Variants in PRKAR1B observed in about 807,000 individuals in gnomAD.
The protein encoded by PRKAR1B is cAMP-dependent protein kinase type I-beta regulatory subunit.
A neutral mutation model predicts 46.5 loss-of-function variants in PRKAR1B; 22 were observed. The ratio of observed to expected loss-of-function variants is 0.47; its 90% CI spans 0.34 to 0.68. PRKAR1B has a LOEUF of 0.68. Ranked by LOEUF, PRKAR1B falls within the 30% of genes least tolerant of loss-of-function variation. The pLI is 0.01. For synonymous variants in PRKAR1B, 259 were observed against 217.7 expected (o/e 1.19, Z -1.67); for missense variants, 445 against 535.6 (o/e 0.83, Z 1.67).
chr7:594,774 CATGAGAGGACCCCAAATT>C (rs1781176656), intron 7 of PRKAR1B, among the ~76,000 whole-genome samples: 2 of 151,484 alleles, frequency 1.3e-5, no homozygotes, highest in African/African-American at 4.9e-5. Flanking sequence ...TCCCCCAGAC[CATGAGAGGACCCCAAATT>C]ATGAGGGGAC....
At chr7:637,537 C>T (rs376598176) in intron 4 of PRKAR1B, among the ~76,000 whole-genome samples, 8 of 152,192 alleles carry the variant, frequency 5.3e-5, no homozygotes, top group African/African-American at 1.9e-4. Context: ...TTAAAAGAAT[C>T]AAGAGCAAAT....
intron 9 of PRKAR1B, among the ~76,000 whole-genome samples, chr7:567,945 G>T (rs1779276729): frequency 6.6e-6 from 1 of 152,204 alleles, no homozygotes; most frequent in African/African-American, 2.4e-5. Flanking sequence ...ACATTCTGGA[G>T]ATGATGGTGG....
chr7:682,698 G>C (rs368841895), intron 2 of PRKAR1B, among the ~76,000 whole-genome samples: 10 of 151,696 alleles, frequency 6.6e-5, no homozygotes, highest in Non-Finnish European at 1.5e-4. Flanking sequence ...AGCCGAGATC[G>C]TGCCACTGCA....
chr7:559,515 G>A (rs559924166), intron 9 of PRKAR1B, among the ~76,000 whole-genome samples: 60 of 152,202 alleles, frequency 3.9e-4, no homozygotes, highest in South Asian at 6.2e-4. Flanking sequence ...GATACGAGGG[G>A]ACCCCGATCT....
In PRKAR1B at chr7:711,312, C is replaced by G. The variant is rs773179593; in HGVS notation, c.177+17G>C. On this transcript the variant is annotated intron_variant, in intron 2 of 10. Transcript: ENST00000537384. The stretch of plus-strand genomic sequence containing the variant: ...GACACGTGCGAAGGGAAGCAGCGGG[C>G]GGCGGGGGCCACTCACCTTCTCCAG... The G allele has an allele frequency of 5.0e-6, 8 of 1,613,316 alleles. No individual in the cohort carries two copies. Among genetic ancestry groups the G allele is most frequent in the Non-Finnish European group, 6.8e-6 (8 of 1,179,492 alleles).
chr7:661,210 C>G (rs1785534526), intron 4 of PRKAR1B, among the ~76,000 whole-genome samples: 1 of 120,218 alleles, frequency 8.3e-6, no homozygotes, highest in Non-Finnish European at 1.7e-5. Context: ...CTCTTTCCCT[C>G]CATGGCACAG....
chr7:658,709 G>A (rs1241793375), intron 4 of PRKAR1B, among the ~76,000 whole-genome samples: 1 of 152,116 alleles, frequency 6.6e-6, no homozygotes, highest in Non-Finnish European at 1.5e-5. Flanking sequence ...GGAGTGCAGT[G>A]GTGCATTCTC....
chr7:719,366 T>TG (rs987108225), intron 1 of PRKAR1B, among the ~76,000 whole-genome samples: 13 of 151,902 alleles, frequency 8.6e-5, no homozygotes, highest in African/African-American at 3.1e-4. Context: ...TTTGTAGAGA[T>TG]GGGGGTCTCA....
chr7:694,311 G>T (rs767243884), intron 2 of PRKAR1B, among the ~76,000 whole-genome samples: 1 of 151,412 alleles, frequency 6.6e-6, no homozygotes, highest in Non-Finnish European at 1.5e-5. Context: ...AGTGAGACCC[G>T]GACTTGGGAA....
intron 4 of PRKAR1B, among the ~76,000 whole-genome samples, chr7:626,960 C>T (rs747924142): frequency 2.0e-4 from 31 of 152,102 alleles, no homozygotes; most frequent in African/African-American, 6.3e-4. Context: ...CTGCAAGCTC[C>T]GCCTCCCGGG....
chr7:639,181 T>G (rs570461879), intron 4 of PRKAR1B, among the ~76,000 whole-genome samples: 1 of 152,360 alleles, frequency 6.6e-6, no homozygotes, highest in African/African-American at 2.4e-5. Flanking sequence ...AGGGGGACTT[T>G]GACTACCTGA....
intron 1 of PRKAR1B, among the ~76,000 whole-genome samples, chr7:711,838 G>C (rs1268365284): frequency 1.3e-5 from 2 of 151,792 alleles, no homozygotes; most frequent in East Asian, 3.9e-4. Flanking sequence ...CGGGTGGGAA[G>C]AGTGGGGGGG....
At chr7:589,061 ATGG>A (rs1231474645) in intron 7 of PRKAR1B, among the ~76,000 whole-genome samples, 1 of 90,234 alleles carries the variant, frequency 1.1e-5, no homozygotes, top group Non-Finnish European at 2.6e-5. Flanking sequence ...GGCAATGATG[ATGG>A]TGGTAGTGGT....
rs567699104 is a variant in PRKAR1B, at chr7:575,305, C to T, written c.891+3951G>A. Among the ~76,000 whole-genome samples, 15 of 152,326 alleles carry T rather than the reference C, an allele frequency of 9.8e-5. No individual in the cohort carries two copies. The South Asian group carries it at 3.1e-3, about 32-fold the overall frequency. ...GCTGGGGCTGCGCTGGCTGGGTATG[C>T]GTCTCAGAGCACAGCTGCTGGGCCC... is the stretch of plus-strand genomic sequence containing the variant. On this transcript the variant is annotated intron_variant, in intron 9 of 10. Coordinates refer to ENST00000537384, the MANE Select transcript of PRKAR1B (RefSeq NM_001164760.2).
At chr7:662,707 C>T (rs1487499911) in intron 4 of PRKAR1B, among the ~76,000 whole-genome samples, 3 of 152,160 alleles carry the variant, frequency 2.0e-5, no homozygotes, top group Non-Finnish European at 4.4e-5. Flanking sequence ...GGTCCCCACC[C>T]CAACAGATCC....
intron 2 of PRKAR1B, among the ~76,000 whole-genome samples, chr7:704,683 C>T (rs1162782153): frequency 1.3e-5 from 2 of 152,112 alleles, no homozygotes; most frequent in African/African-American, 4.8e-5. Context: ...GCAGGAGAAT[C>T]ACTTGAACCC....
At position 595,562 on chromosome 7, in the gene PRKAR1B, G is replaced by A. The variant is rs562396089; in HGVS notation, c.708+584C>T. The stretch of plus-strand genomic sequence containing the variant: ...AAAGGGTCCTCCCCGGGCTCCCCAC[G>A]AGCTCACCTCCAGGAGCCCCTACAA... On this transcript the variant is annotated intron_variant, in intron 7 of 10. Transcript: ENST00000537384. Among the ~76,000 whole-genome samples, 512 of 152,162 alleles carry A rather than the reference G, an allele frequency of 3.4e-3. 6 individuals carry two copies. Among genetic ancestry groups the A allele is most frequent in the African/African-American group, 0.012 (490 of 41,512 alleles).
In PRKAR1B at chr7:666,065, A is replaced by G. The variant is rs1583386514; in HGVS notation, c.440+11164T>C. 6.6e-6 allele frequency among the ~76,000 whole-genome samples: 1 copy of G among 152,306 alleles called. No individual in the cohort carries two copies. The highest frequency in any genetic ancestry group is 1.9e-4 in the East Asian group (1 of 5,182). ...GTAATGAGGTCCCCGCCGGAGGCCC[A>G]ACGCACAACACAAACACGCACGGTG... On this transcript the variant is annotated intron_variant, in intron 4 of 10. Coordinates refer to ENST00000537384, the MANE Select transcript of PRKAR1B (RefSeq NM_001164760.2). This position sits in a 1 kb window ranked among gnomAD's most constrained non-coding sequence, Gnocchi z 4.9.
chr7:595,946 G>C (rs542216699), intron 7 of PRKAR1B, among the ~76,000 whole-genome samples, 200 bp downstream of exon 7: 2 of 152,294 alleles, frequency 1.3e-5, no homozygotes, highest in African/African-American at 2.4e-5. Context: ...ACGGTGAAGG[G>C]GCCTCCCCAG....
Sources: gnomAD v4.1 joint callset for allele counts (sites outside exome capture counted in the v4.1 genomes callset) on GRCh38, gnomAD v4.1.1 for gene constraint, Gnocchi (gnomAD v3.1) non-coding constraint, MANE v1.5 for transcripts, NCBI Gene and HGNC (gene_info 2026-07-23, HGNC 2026-07-21) for gene names.